Variants in CREG2 observed in about 807,000 individuals in gnomAD.
The protein encoded by CREG2 is protein CREG2.
In CREG2, 24 loss-of-function variants were observed where a neutral mutation model predicts 26.2. The ratio of observed to expected loss-of-function variants is 0.92; its 90% CI spans 0.66 to 1.29. The LOEUF is 1.29. Ranked by LOEUF, CREG2 falls within the 50% of genes most tolerant of loss-of-function variation. The pLI is 0.00. For synonymous variants in CREG2, 174 were observed against 169.2 expected (o/e 1.03, Z -0.22); for missense variants, 366 against 398.6 (o/e 0.92, Z 0.70).
chr2:101,355,275 C>G lies in CREG2; in HGVS notation c.703G>C (p.Ala235Pro). ...IAVSPEEVEFAKQAMFSRHPG... is the reference protein window; with the variant it reads ...IAVSPEEVEFPKQAMFSRHPG... The stretch of plus-strand genomic sequence containing the variant: ...CACCTTGAAAACATGGCTTGCTTGG[C>G]AAATTCTACTTCTTCTGGAGACACT... The change falls in exon 3 of 4, where the codon GCC (alanine) becomes CCC (proline). Residue 235 changes from alanine (A) to proline (P), a missense_variant. By Grantham distance (27) the Ala-to-Pro change is conservative. This residue lies in a region of CREG2 where 174 missense variants were observed against 178.2 expected (regional missense o/e 0.98). Coordinates refer to ENST00000324768, the MANE Select transcript of CREG2 (RefSeq NM_153836.4). 1 of 1,613,206 alleles carries G rather than the reference C, an allele frequency of 6.2e-7. No homozygotes were observed. Among genetic ancestry groups the G allele is most frequent in the Non-Finnish European group, 8.5e-7 (1 of 1,179,192 alleles).
intron 2 of CREG2, among the ~76,000 whole-genome samples, chr2:101,359,707 A>G (rs1684513241): frequency 6.6e-6 from 1 of 152,226 alleles, no homozygotes; most frequent in South Asian, 2.1e-4. Context: ...AGTTGAAGAA[A>G]TTTTAAAAAT....
intron 3 of CREG2, among the ~76,000 whole-genome samples, chr2:101,352,579 G>A (rs369430743): frequency 1.3e-5 from 2 of 152,136 alleles, no homozygotes; most frequent in African/African-American, 2.4e-5. Flanking sequence ...AGACTGAGGC[G>A]GGAGGATCAC....
At chr2:101,356,233 C>T (rs998511170) in intron 2 of CREG2, among the ~76,000 whole-genome samples, 5 of 152,184 alleles carry the variant, frequency 3.3e-5, no homozygotes, top group Admixed American at 3.3e-4. Context: ...CCTCTGCCAG[C>T]TGCGGTCTGG....
chr2:101,370,058 G>T (rs1357532654), intron 2 of CREG2, among the ~76,000 whole-genome samples: 1 of 152,214 alleles, frequency 6.6e-6, no homozygotes, highest in Non-Finnish European at 1.5e-5. Context: ...GAGCCAGGTT[G>T]CCTAGGAGTG....
rs377504420 is a variant in CREG2 at position 101,383,687 on chromosome 2, A to T, written c.457T>A (p.Phe153Ile). 19 of 1,608,518 alleles carry T rather than the reference A, an allele frequency of 1.2e-5. No individual in the cohort carries two copies. Among genetic ancestry groups the T allele is most frequent in the Non-Finnish European group, 1.5e-5 (18 of 1,176,916 alleles). The change falls in exon 2 of 4, where the codon TTT (phenylalanine) becomes ATT (isoleucine). Residue 153 changes from phenylalanine (F) to isoleucine (I), a missense_variant. Around this residue, in one of 3 missense-constraint regions of CREG2, gnomAD observed 174 missense variants for 178.2 expected, o/e 0.98. Transcript: ENST00000324768. The part of the protein sequence containing the change: ...STHKKIQGLP[F>I]GNCLPVSDGP... ...TCACTGACGGGCAGGCAGTTCCCAA[A>T]TGGCAGTCCTTGGATCTAACAAACA...
chr2:101,361,969 G>A (rs893184939), intron 2 of CREG2, among the ~76,000 whole-genome samples: 7 of 152,096 alleles, frequency 4.6e-5, no homozygotes, highest in African/African-American at 1.7e-4. Context: ...TATTGTTGAG[G>A]CATCCACTTC....
intron 2 of CREG2, among the ~76,000 whole-genome samples, chr2:101,379,150 T>C (rs1217637103): frequency 6.6e-6 from 1 of 152,194 alleles, no homozygotes; most frequent in Non-Finnish European, 1.5e-5. Context: ...TGCCCAATTA[T>C]TATGCCCTGG....
At chr2:101,380,016 A>ATCTATCTATCT (rs1558821220) in intron 2 of CREG2, among the ~76,000 whole-genome samples, 1 of 125,256 alleles carries the variant, frequency 8.0e-6, no homozygotes, top group Admixed American at 8.0e-5. Flanking sequence ...TCTATCTATC[A>ATCTATCTATCT]ATCATCTATC....
intron 2 of CREG2, among the ~76,000 whole-genome samples, chr2:101,377,010 C>A (rs116736347): frequency 5.9e-5 from 9 of 152,200 alleles, no homozygotes; most frequent in African/African-American, 1.9e-4. Context: ...TAGAGAAGTT[C>A]CATTTAAAGA....
At chr2:101,383,784 G>C in intron 1 of CREG2, 82 bp from the exon 2 acceptor site, 9 of 1,330,158 alleles carry the variant, frequency 6.8e-6, no homozygotes, top group Non-Finnish European at 8.3e-6. Context: ...CCTCTGGCTA[G>C]GAAATACAAC....
intron 2 of CREG2, among the ~76,000 whole-genome samples, chr2:101,378,440 G>A (rs959399523): frequency 3.3e-5 from 5 of 152,330 alleles, no homozygotes; most frequent in African/African-American, 7.2e-5. Flanking sequence ...CCAATAATAC[G>A]TCCCTCTCAT....
In CREG2 at chr2:101,357,976, C is replaced by CA. The variant is rs70943078; in HGVS notation, c.612-2611dup. On this transcript the variant is annotated intron_variant, in intron 2 of 3. Coordinates refer to ENST00000324768, the MANE Select transcript of CREG2 (RefSeq NM_153836.4). Reference sequence around the variant, plus strand: ...TGGGCGACAGAGCGAGACTCCGTCTCAAAAAAAAAAAAAAAAAGCTAGGCT... The same window carrying CA: ...TGGGCGACAGAGCGAGACTCCGTCTCAAAAAAAAAAAAAAAAAAGCTAGGCT... Among the ~76,000 whole-genome samples the CA allele has an allele frequency of 4.1e-3, 502 of 121,736 alleles. 2 individuals carry two copies. The highest frequency in any genetic ancestry group is 0.011 in the African/African-American group (333 of 28,994). The allele number at this position is 121,736 out of a possible 152,430, so 79.9% of individuals were successfully genotyped here.
intron 2 of CREG2, among the ~76,000 whole-genome samples, chr2:101,357,150 G>T (rs1056174033): frequency 6.6e-6 from 1 of 152,090 alleles, no homozygotes; most frequent in Non-Finnish European, 1.5e-5. Flanking sequence ...GCCTCCCAAA[G>T]TGCTGGGATT....
chr2:101,382,654 T>G, intron 2 of CREG2: 4 of 985,440 alleles, frequency 4.1e-6, no homozygotes, highest in Non-Finnish European at 4.8e-6. Flanking sequence ...GGATGCATCT[T>G]GCATTGTATA....
chr2:101,360,503 C>G (rs4851426), intron 2 of CREG2, among the ~76,000 whole-genome samples: 134,376 of 152,220 alleles, frequency 0.88, 59,380 homozygotes, highest in East Asian at 1. Context: ...GGGAGGCCAA[C>G]GTAGGCAGAT....
At chr2:101,368,287 CAAA>C (rs11451947) in intron 2 of CREG2, among the ~76,000 whole-genome samples, 1 of 103,358 alleles carries the variant, frequency 9.7e-6, no homozygotes. Context: ...GACTCCATCT[CAAA>C]AAAAAAAAAG....
At chr2:101,384,901 C>T (rs2104489328) in intron 1 of CREG2, among the ~76,000 whole-genome samples, 1 of 152,026 alleles carries the variant, frequency 6.6e-6, no homozygotes, top group South Asian at 2.1e-4. Flanking sequence ...TGGCACCTTC[C>T]CCTCTCTCTT....
intron 2 of CREG2, among the ~76,000 whole-genome samples, chr2:101,372,224 A>G (rs925263102): frequency 2.0e-5 from 3 of 152,220 alleles, no homozygotes; most frequent in Admixed American, 6.5e-5. Context: ...GATTCAAATG[A>G]TGGTGACAAG....
intron 2 of CREG2, among the ~76,000 whole-genome samples, chr2:101,362,464 C>T (rs777958294): frequency 1.3e-5 from 2 of 152,216 alleles, no homozygotes; most frequent in African/African-American, 4.8e-5. Context: ...TCACTAATTA[C>T]AGGGCTTCAA....
Sources: gnomAD v4.1 joint callset for allele counts (sites outside exome capture counted in the v4.1 genomes callset) on GRCh38, gnomAD v4.1.1 for gene constraint, gnomAD v4.1.1 regional missense constraint, MANE v1.5 for transcripts, NCBI Gene and HGNC (gene_info 2026-07-23, HGNC 2026-07-21) for gene names.